The following ULK4 variants were observed in gnomAD, a reference collection of about 807,000 sequenced individuals.
The protein encoded by ULK4 is inactive serine/threonine-protein kinase ULK4.
ULK4 carries 133 observed loss-of-function variants against 160.6 expected under a neutral mutation model. The ratio of observed to expected loss-of-function variants is 0.83; its 90% CI spans 0.72 to 0.96. The LOEUF is 0.96. ULK4 is among the 40% of genes least tolerant of loss of function. The pLI, the probability that ULK4 is intolerant of heterozygous loss-of-function variation, is 0.00. For missense variants in ULK4, 1,580 were observed against 1,499.5 expected (o/e 1.05, Z -0.89); for synonymous variants, 534 against 539.8 (o/e 0.99, Z 0.15).
chr3:41,767,629 CA>C lies in ULK4; in HGVS notation c.2194-13142del, dbSNP rs370165168. Among the ~76,000 whole-genome samples, 389 of 149,042 alleles carry C rather than the reference CA, an allele frequency of 2.6e-3. 2 individuals are homozygous for C. Among genetic ancestry groups the C allele is most frequent in the African/African-American group, 8.5e-3 (345 of 40,666 alleles). The stretch of plus-strand genomic sequence containing the variant: ...AAATAATATTCATAATTGAGCCATG[CA>C]AAAAAAAAGAATTCACTTTTTTGCA... On this transcript the variant is annotated intron_variant, in intron 21 of 36. Coordinates refer to ENST00000301831, the MANE Select transcript of ULK4 (RefSeq NM_017886.4).
Position 41,564,711 on chromosome 3 carries a change from G to A in ULK4, c.3226+1314C>T, listed in dbSNP as rs185035934. Reference sequence around the variant, plus strand: ...TGACCTCAAGTGATCCACAAGCCTCGGCCTCCCAAAGTGCTGGGATTACAA... The same window carrying A: ...TGACCTCAAGTGATCCACAAGCCTCAGCCTCCCAAAGTGCTGGGATTACAA... On this transcript the variant is annotated intron_variant, in intron 32 of 36. Coordinates refer to ENST00000301831, the MANE Select transcript of ULK4 (RefSeq NM_017886.4). 1.8e-4 allele frequency among the ~76,000 whole-genome samples: 27 copies of A among 151,864 alleles called. No homozygotes were observed. The East Asian group carries it at 3.7e-3, about 21-fold the overall frequency.
chr3:41,778,110 A>T (rs2039702176), intron 21 of ULK4, among the ~76,000 whole-genome samples: 1 of 125,522 alleles, frequency 8.0e-6, no homozygotes, highest in Non-Finnish European at 1.6e-5. Flanking sequence ...AAATCTCCTT[A>T]AGCTGATAAG....
chr3:41,879,424 T>C (rs1204237040), intron 17 of ULK4, among the ~76,000 whole-genome samples: 2 of 152,146 alleles, frequency 1.3e-5, no homozygotes, highest in Non-Finnish European at 2.9e-5. Context: ...CCAGTGTTGA[T>C]TGCTGGAAGC....
intron 16 of ULK4, among the ~76,000 whole-genome samples, chr3:41,889,573 A>G (rs956603928): frequency 6.6e-5 from 10 of 152,184 alleles, no homozygotes; most frequent in African/African-American, 2.2e-4. Context: ...ATCAGAAACA[A>G]TAACAATTGG....
rs866717484 is a variant in ULK4 at position 41,863,656 on chromosome 3, C to T, written c.1656+20218G>A. 4.6e-5 allele frequency among the ~76,000 whole-genome samples: 7 copies of T among 151,948 alleles called. No homozygotes were observed. In the Middle Eastern group the frequency reaches 0.01, roughly 221 times the overall value. On this transcript the variant is annotated intron_variant, in intron 17 of 36. Transcript: ENST00000301831. ...CAGGGCCCAAAGGCTCTTCGGTTCA[C>T]AGGTAATGAATGCTGACAGGACCGG... is the stretch of plus-strand genomic sequence containing the variant.
chr3:41,592,975 C>G (rs1163277049), intron 31 of ULK4, among the ~76,000 whole-genome samples: 1 of 152,170 alleles, frequency 6.6e-6, no homozygotes, highest in African/African-American at 2.4e-5. Context: ...TCACTAATGT[C>G]AACAAGCTCA....
At chr3:41,357,168 G>A (rs926701248) in intron 35 of ULK4, among the ~76,000 whole-genome samples, 3 of 152,092 alleles carry the variant, frequency 2.0e-5, no homozygotes, top group African/African-American at 4.8e-5. Context: ...GTAAACATTC[G>A]ATCTTCACAT....
chr3:41,434,500 G>A (rs1014427246), intron 34 of ULK4, among the ~76,000 whole-genome samples: 9 of 152,230 alleles, frequency 5.9e-5, no homozygotes, highest in African/African-American at 2.2e-4. Context: ...GGATAAGAGA[G>A]GAAGATATTT....
chr3:41,356,206 T>C (rs2081026321), intron 35 of ULK4, among the ~76,000 whole-genome samples: 1 of 152,164 alleles, frequency 6.6e-6, no homozygotes, highest in Non-Finnish European at 1.5e-5. Context: ...TACATGCTTC[T>C]ATAAAGGACA....
At chr3:41,627,785 G>A (rs1321288138) in intron 30 of ULK4, among the ~76,000 whole-genome samples, 1 of 152,174 alleles carries the variant, frequency 6.6e-6, no homozygotes, top group East Asian at 1.9e-4. Flanking sequence ...TAAGGGAACA[G>A]ACACGAAGAA....
chr3:41,418,125 A>G (rs908156402), intron 34 of ULK4, among the ~76,000 whole-genome samples: 2 of 152,110 alleles, frequency 1.3e-5, no homozygotes, highest in Non-Finnish European at 2.9e-5. Context: ...TTTCACAACT[A>G]TAAGTTGACC....
chr3:41,316,888 TTAAG>T (rs2080151833), intron 35 of ULK4, among the ~76,000 whole-genome samples: 1 of 152,190 alleles, frequency 6.6e-6, no homozygotes, highest in Non-Finnish European at 1.5e-5. Flanking sequence ...CAAATCTTTA[TTAAG>T]TAAATGAGTT....
rs559201433 is a variant in ULK4 at position 41,729,527 on chromosome 3, C to T, written c.2322-11666G>A. On this transcript the variant is annotated intron_variant, in intron 22 of 36. Coordinates refer to ENST00000301831, the MANE Select transcript of ULK4 (RefSeq NM_017886.4). Reference sequence around the variant, plus strand: ...CCACTGTATCTCCCCACCCCAAAGGCTCCACAATACTCAACAGTCCTGCAG... The same window carrying T: ...CCACTGTATCTCCCCACCCCAAAGGTTCCACAATACTCAACAGTCCTGCAG... Among the ~76,000 whole-genome samples the T allele has an allele frequency of 1.1e-4, 16 of 152,348 alleles. No individual in the cohort carries two copies. In the East Asian group the frequency reaches 3.1e-3, roughly 29 times the overall value.
intron 32 of ULK4, among the ~76,000 whole-genome samples, chr3:41,541,810 C>A (rs1469714712): frequency 6.6e-6 from 1 of 151,818 alleles, no homozygotes; most frequent in Non-Finnish European, 1.5e-5. Context: ...GGAGTTCGCT[C>A]ATGATTTTGG....
chr3:41,587,814 T>A (rs917505768), intron 31 of ULK4, among the ~76,000 whole-genome samples: 1 of 152,208 alleles, frequency 6.6e-6, no homozygotes, highest in African/African-American at 2.4e-5. Flanking sequence ...GCTTTAAAAT[T>A]AAATCTTTTT....
intron 32 of ULK4, among the ~76,000 whole-genome samples, chr3:41,509,297 G>A (rs776753462): frequency 5.9e-5 from 9 of 152,146 alleles, no homozygotes; most frequent in Admixed American, 1.3e-4. Flanking sequence ...TTTAAAAAAT[G>A]AACAAAGCCT....
intron 22 of ULK4, among the ~76,000 whole-genome samples, chr3:41,747,291 G>A (rs548086804): frequency 7.9e-5 from 12 of 151,938 alleles, no homozygotes; most frequent in Admixed American, 4.6e-4. Context: ...AAGAACTCTC[G>A]AAATTCCATC....
chr3:41,939,989 G>C (rs758728597), intron 2 of ULK4, among the ~76,000 whole-genome samples: 3 of 151,356 alleles, frequency 2.0e-5, no homozygotes, highest in Non-Finnish European at 4.4e-5. Context: ...CCAGTCCCTG[G>C]TGTCAAAACA....
At chr3:41,955,795 GA>G (rs56899591) in intron 1 of ULK4, 93,560 of 140,658 alleles carry the variant, frequency 0.67, 32,567 homozygotes, top group South Asian at 0.79. Context: ...AACCTTCACA[GA>G]AAAAAAAAAA....
Sources: allele counts gnomAD v4.1 joint callset (sites outside exome capture counted in the v4.1 genomes callset), GRCh38; gene constraint gnomAD v4.1.1; transcripts MANE v1.5; gene names NCBI Gene and HGNC (gene_info 2026-07-23, HGNC 2026-07-21).